SPECC1: variants seen among roughly 807,000 people sequenced by gnomAD.
SPECC1 encodes the protein cytospin-B.
Under a neutral mutation model 104.1 loss-of-function variants are expected in SPECC1, and 62 were observed. That is an observed-to-expected ratio of 0.60 (90% CI 0.49 to 0.74). The LOEUF (loss-of-function observed/expected upper bound fraction) is 0.74, where lower values mean the gene tolerates loss of function less well. SPECC1 is among the 30% of genes least tolerant of loss of function. SPECC1 has a pLI of 0.00. For synonymous variants in SPECC1, 513 were observed against 501.6 expected (o/e 1.02, Z -0.30); for missense variants, 1,306 against 1,310.5 (o/e 1.00, Z 0.05).
At chr17:20,177,469 G>A (rs913355688) in intron 3 of SPECC1, among the ~76,000 whole-genome samples, 1 of 152,136 alleles carries the variant, frequency 6.6e-6, no homozygotes, top group Non-Finnish European at 1.5e-5. Context: ...CAGAGATAAT[G>A]ACTGTTGACA....
intron 12 of SPECC1, among the ~76,000 whole-genome samples, chr17:20,287,213 C>T (rs1391154818): frequency 1.3e-5 from 2 of 152,040 alleles, no homozygotes; most frequent in East Asian, 1.9e-4. Flanking sequence ...GTCAGGATAT[C>T]GAGACCATCC....
Position 20,204,879 on chromosome 17 carries a change from C to T in SPECC1, c.830C>T (p.Thr277Ile), listed in dbSNP as rs1228891642. ...ASHTGDSSCP[T>I]SITQESSFGS... is the part of the protein sequence containing the mutation. ...CACACTGGCGACAGCAGCTGCCCAA[C>T]ATCCATAACTCAAGAGTCAAGCTTC... is the stretch of plus-strand genomic sequence containing the variant. The change falls in exon 4 of 15, where the codon ACA becomes ATA. Residue 277 changes from threonine (T) to isoleucine (I), a missense_variant. Physicochemically the swap from Thr to Ile is moderately conservative, Grantham distance 89. Transcript: ENST00000395527. 3 of 1,614,018 alleles carry T rather than the reference C, an allele frequency of 1.9e-6. No homozygotes were observed. The highest frequency in any genetic ancestry group is 1.7e-6 in the Non-Finnish European group (2 of 1,180,002).
intron 1 of SPECC1, among the ~76,000 whole-genome samples, chr17:20,092,175 A>T (rs1315783748): frequency 6.6e-6 from 1 of 151,990 alleles, no homozygotes. Flanking sequence ...AATGTTTGAC[A>T]AATTTAAAGA....
At chr17:20,133,173 T>C (rs2049745410) in intron 3 of SPECC1, among the ~76,000 whole-genome samples, 1 of 152,180 alleles carries the variant, frequency 6.6e-6, no homozygotes, top group South Asian at 2.1e-4. Flanking sequence ...AGTTTGTCAA[T>C]TTTATAATTT....
chr17:20,205,442 G>A lies in SPECC1; in HGVS notation c.1393G>A (p.Glu465Lys). 5 of 1,614,072 alleles carry A rather than the reference G, an allele frequency of 3.1e-6. No homozygotes were observed. Among genetic ancestry groups the A allele is most frequent in the Non-Finnish European group, 4.2e-6 (5 of 1,180,034 alleles). The change falls in exon 4 of 15, where the codon GAA becomes AAA. Residue 465 changes from glutamate (E) to lysine (K), a missense_variant. By Grantham distance (56) the Glu-to-Lys change is moderately conservative. This residue lies in a region of SPECC1 where 1,177 missense variants were observed against 1,139.9 expected (regional missense o/e 1.03). Coordinates refer to ENST00000395527, the MANE Select transcript of SPECC1 (RefSeq NM_001243439.2). Reference sequence around the variant, plus strand: ...CACCACTCAGGAAGGAAAAATTATTGAACTGGAGCAGAAGTGCACAGGTAT... The same window carrying A: ...CACCACTCAGGAAGGAAAAATTATTAAACTGGAGCAGAAGTGCACAGGTAT... ...EPTTQEGKII[E>K]LEQKCTGILE...
intron 1 of SPECC1, among the ~76,000 whole-genome samples, chr17:20,026,675 C>T (rs117433027): frequency 0.012 from 1,855 of 152,164 alleles, 22 homozygotes; most frequent in Non-Finnish European, 0.02. Context: ...TTTCTTTATC[C>T]ATTCATCTGT....
At chr17:20,140,514 C>T (rs534030243) in intron 3 of SPECC1, among the ~76,000 whole-genome samples, 38 of 152,286 alleles carry the variant, frequency 2.5e-4, no homozygotes, top group African/African-American at 9.1e-4. Context: ...TCTTTGTACT[C>T]ATATTTCACT....
intron 13 of SPECC1, among the ~76,000 whole-genome samples, chr17:20,299,642 A>G (rs77884925): frequency 5.9e-5 from 9 of 151,994 alleles, no homozygotes; most frequent in Non-Finnish European, 1.2e-4. Context: ...TCTGGGTGCC[A>G]TGCCTATCCA....
intron 2 of SPECC1, among the ~76,000 whole-genome samples, chr17:20,105,106 G>C (rs149509140): frequency 3.3e-5 from 5 of 150,692 alleles, no homozygotes; most frequent in African/African-American, 4.9e-5. Context: ...TTTTTTCGGT[G>C]GGGGGGCGGG....
intron 3 of SPECC1, among the ~76,000 whole-genome samples, chr17:20,186,619 A>C (rs912211693): frequency 6.6e-6 from 1 of 152,224 alleles, no homozygotes; most frequent in Non-Finnish European, 1.5e-5. Flanking sequence ...GCTGAAGTGC[A>C]GTGGTACAAT....
chr17:20,166,061 C>T (rs1253407941), intron 3 of SPECC1, among the ~76,000 whole-genome samples: 1 of 152,178 alleles, frequency 6.6e-6, no homozygotes, highest in East Asian at 1.9e-4. Context: ...CTTTGTCTAT[C>T]TTACAAGATA....
At chr17:20,046,692 G>T (rs2045552097) in intron 1 of SPECC1, among the ~76,000 whole-genome samples, 1 of 152,124 alleles carries the variant, frequency 6.6e-6, no homozygotes, top group Non-Finnish European at 1.5e-5. Flanking sequence ...CCATTGAGAT[G>T]CTGACATTTG....
intron 7 of SPECC1, among the ~76,000 whole-genome samples, chr17:20,234,279 A>G (rs985829875): frequency 5.3e-5 from 8 of 152,250 alleles, no homozygotes; most frequent in African/African-American, 1.9e-4. Context: ...TTTAGAATGG[A>G]CACCAATGAG....
At chr17:20,126,911 G>A (rs1388973459) in intron 3 of SPECC1, among the ~76,000 whole-genome samples, 2 of 152,134 alleles carry the variant, frequency 1.3e-5, no homozygotes, top group Non-Finnish European at 2.9e-5. Flanking sequence ...TTATTACTTT[G>A]ATTATTGCTT....
intron 1 of SPECC1, chr17:20,010,250 GA>G: frequency 6.6e-6 from 1 of 151,894 alleles, no homozygotes; most frequent in Non-Finnish European, 1.5e-5. Context: ...ATACAGTTCG[GA>G]AAAAAATTTT....
At position 20,317,145 on chromosome 17, in the gene SPECC1, T is replaced by A. The variant is rs552065674; in HGVS notation, c.*3080T>A. 7.8e-5 allele frequency: 14 copies of A among 179,860 alleles called. No individual in the cohort carries two copies. Among genetic ancestry groups the A allele is most frequent in the South Asian group, 6.1e-4 (3 of 4,948 alleles). 11.1% of individuals were successfully genotyped at this position (179,860 alleles called of 1,614,324 possible). The stretch of plus-strand genomic sequence containing the variant: ...AAATACACATGGTGGTCAGGCATGG[T>A]GGCTCATGCCTATAATCCCAGCACT... On this transcript the variant is annotated 3_prime_UTR_variant, in exon 15 of 15. Coordinates refer to ENST00000395527, the MANE Select transcript of SPECC1 (RefSeq NM_001243439.2).
At chr17:20,306,159 C>G in intron 14 of SPECC1, 77 bp downstream of exon 14, 1 of 1,420,624 alleles carries the variant, frequency 7.0e-7, no homozygotes, top group East Asian at 2.3e-5. Context: ...TAAACAGTTT[C>G]TCGTAGAACA....
At chr17:20,305,503 T>A (rs1034919246) in intron 13 of SPECC1, 2 of 153,510 alleles carry the variant, frequency 1.3e-5, no homozygotes, top group African/African-American at 4.8e-5. Context: ...CAGTAGAAAA[T>A]GCCTTCATTT....
intron 3 of SPECC1, among the ~76,000 whole-genome samples, chr17:20,163,126 G>A (rs2033323506): frequency 6.6e-6 from 1 of 152,196 alleles, no homozygotes; most frequent in African/African-American, 2.4e-5. Flanking sequence ...TGTAATAAAT[G>A]TCAGTGGGTT....
Sources: allele counts gnomAD v4.1 joint callset (sites outside exome capture counted in the v4.1 genomes callset), GRCh38; gene constraint gnomAD v4.1.1; regional missense constraint gnomAD v4.1.1; transcripts MANE v1.5; gene names NCBI Gene and HGNC (gene_info 2026-07-23, HGNC 2026-07-21).